PLD5: variants seen among roughly 807,000 people sequenced by gnomAD.
The protein encoded by PLD5 is phospholipase D family member 5, also known as inactive phospholipase D5.
Under a neutral mutation model 61.1 loss-of-function variants are expected in PLD5, and 36 were observed. The ratio of observed to expected loss-of-function variants is 0.59; its 90% confidence interval spans 0.45 to 0.78. The LOEUF (loss-of-function observed/expected upper bound fraction) is 0.78, where lower values mean the gene tolerates loss of function less well. PLD5 is among the 30% of genes least tolerant of loss of function. PLD5 has a pLI of 0.00. For missense variants in PLD5, 515 were observed against 644.4 expected (o/e 0.80, Z 2.17); for synonymous variants, 243 against 242.8 (o/e 1.00, Z -0.01).
intron 4 of PLD5, among the ~76,000 whole-genome samples, chr1:242,261,100 C>T (rs1188377714): frequency 1.3e-5 from 2 of 152,084 alleles, no homozygotes; most frequent in African/African-American, 4.8e-5. Flanking sequence ...AAGTGAAAAA[C>T]AAAGATGAAA....
intron 4 of PLD5, among the ~76,000 whole-genome samples, chr1:242,237,896 C>T (rs1258512956): frequency 6.6e-6 from 1 of 152,204 alleles, no homozygotes; most frequent in Admixed American, 6.5e-5. Context: ...TTGGGCCACA[C>T]TTAGACTATA....
At chr1:242,399,701 A>G (rs1001572407) in intron 1 of PLD5, among the ~76,000 whole-genome samples, 8 of 152,040 alleles carry the variant, frequency 5.3e-5, no homozygotes, top group South Asian at 4.1e-4. Flanking sequence ...GCAAACTATT[A>G]TGGTACCAAT....
chr1:242,316,691 G>C (rs1352513515), intron 2 of PLD5, among the ~76,000 whole-genome samples: 2 of 152,104 alleles, frequency 1.3e-5, no homozygotes, highest in African/African-American at 4.8e-5. Flanking sequence ...GGGATTTATA[G>C]TGAAGACTAT....
intron 1 of PLD5, among the ~76,000 whole-genome samples, chr1:242,478,988 T>TTAATGA (rs1341983704): frequency 1.3e-5 from 2 of 152,358 alleles, no homozygotes; most frequent in African/African-American, 4.8e-5. Flanking sequence ...TGAAGACATT[T>TTAATGA]TAATGATATT....
intron 4 of PLD5, among the ~76,000 whole-genome samples, chr1:242,228,341 G>A (rs143471331): frequency 2.0e-5 from 3 of 152,262 alleles, no homozygotes; most frequent in Admixed American, 2.0e-4. Context: ...GCGTATACAT[G>A]CATCATTTCT....
chr1:242,185,758 C>A (rs1558318505), intron 5 of PLD5, among the ~76,000 whole-genome samples: 1 of 152,066 alleles, frequency 6.6e-6, no homozygotes, highest in African/African-American at 2.4e-5. Flanking sequence ...AAAGAATAAA[C>A]CTCTCTGCTA....
intron 1 of PLD5, among the ~76,000 whole-genome samples, chr1:242,487,215 A>T (rs556977318): frequency 6.6e-6 from 1 of 152,062 alleles, no homozygotes; most frequent in South Asian, 2.1e-4. Context: ...GTATATATAT[A>T]AAAAAAAGTG....
chr1:242,265,088 T>G (rs1372800416), intron 4 of PLD5, among the ~76,000 whole-genome samples: 1 of 152,232 alleles, frequency 6.6e-6, no homozygotes, highest in Non-Finnish European at 1.5e-5. Context: ...TTCTTTCCAG[T>G]TAATCATCAT....
At chr1:242,517,409 T>C (rs1669138131) in intron 1 of PLD5, among the ~76,000 whole-genome samples, 1 of 152,242 alleles carries the variant, frequency 6.6e-6, no homozygotes, top group Admixed American at 6.5e-5. Flanking sequence ...CACAATTTCA[T>C]CAAATCCTTT....
intron 1 of PLD5, among the ~76,000 whole-genome samples, chr1:242,368,486 T>C (rs970936600): frequency 6.6e-6 from 1 of 152,016 alleles, no homozygotes; most frequent in African/African-American, 2.4e-5. Flanking sequence ...GAAAAATGAG[T>C]TGCCAATCTG....
chr1:242,417,339 C>G (rs111831061), intron 1 of PLD5, among the ~76,000 whole-genome samples: 5,701 of 152,266 alleles, frequency 0.037, 386 homozygotes, highest in African/African-American at 0.13. Flanking sequence ...CCATAAAACA[C>G]CCGCCAGTGT....
At chr1:242,359,548 TG>T (rs1286397416) in intron 1 of PLD5, among the ~76,000 whole-genome samples, 2 of 152,214 alleles carry the variant, frequency 1.3e-5, no homozygotes, top group Non-Finnish European at 2.9e-5. Flanking sequence ...GAGTGAAGAC[TG>T]GGGCCAATTC....
intron 5 of PLD5, among the ~76,000 whole-genome samples, chr1:242,207,996 A>T (rs1669549320): frequency 8.3e-6 from 1 of 120,998 alleles, no homozygotes; most frequent in African/African-American, 4.3e-5. Context: ...ATTTATACAC[A>T]CACACACACA....
At chr1:242,375,389 A>T (rs1661888773) in intron 1 of PLD5, among the ~76,000 whole-genome samples, 1 of 152,222 alleles carries the variant, frequency 6.6e-6, no homozygotes, top group Non-Finnish European at 1.5e-5. Flanking sequence ...CTGCAAGGGC[A>T]TCAAATTGGG....
Position 242,441,458 on chromosome 1 carries a change from G to A in PLD5, c.189+82630C>T, listed in dbSNP as rs563729201. ...GTTATGAATCTTCCGAAATTACCAT[G>A]TGTTTCTTTAGTAGTCATAAAAAAA... is the stretch of plus-strand genomic sequence containing the variant. On this transcript the variant is annotated intron_variant, in intron 1 of 9. Coordinates refer to ENST00000536534, the MANE Select transcript of PLD5 (RefSeq NM_001372062.1). Among the ~76,000 whole-genome samples the A allele has an allele frequency of 9.9e-5, 15 of 151,952 alleles. 1 individual carries two copies. Among genetic ancestry groups the A allele is most frequent in the African/African-American group, 3.6e-4 (15 of 41,454 alleles).
intron 1 of PLD5, among the ~76,000 whole-genome samples, chr1:242,508,910 A>T (rs534451008): frequency 6.6e-6 from 1 of 152,230 alleles, no homozygotes; most frequent in East Asian, 1.9e-4. Context: ...GGAAAACCCC[A>T]TCTCTACTAA....
intron 8 of PLD5, among the ~76,000 whole-genome samples, chr1:242,105,518 C>A (rs1404314382): frequency 1.3e-5 from 2 of 152,198 alleles, no homozygotes; most frequent in Admixed American, 1.3e-4. Context: ...GCCACTGTGC[C>A]TGGCCTGTTA....
intron 2 of PLD5, among the ~76,000 whole-genome samples, chr1:242,316,403 C>T (rs1657981475): frequency 6.6e-6 from 1 of 152,088 alleles, no homozygotes; most frequent in Non-Finnish European, 1.5e-5. Flanking sequence ...CTATTGCAGG[C>T]ACCTTCATGG....
intron 6 of PLD5, among the ~76,000 whole-genome samples, chr1:242,120,961 CTAAGT>C (rs150561120): frequency 0.037 from 5,633 of 152,190 alleles, 338 homozygotes; most frequent in African/African-American, 0.13. Context: ...TCTAACTATG[CTAAGT>C]TATCAATTAT....
Sources: gnomAD v4.1 joint callset for allele counts (sites outside exome capture counted in the v4.1 genomes callset) on GRCh38, gnomAD v4.1.1 for gene constraint, MANE v1.5 for transcripts, NCBI Gene and HGNC (gene_info 2026-07-23, HGNC 2026-07-21) for gene names.